Variants in DROSHA observed in about 807,000 individuals in gnomAD.
The protein encoded by DROSHA is ribonuclease 3.
DROSHA carries 56 observed loss-of-function variants against 181.9 expected under a neutral mutation model. The observed-to-expected ratio is 0.31, with a 90% CI of 0.25 to 0.38. The LOEUF (loss-of-function observed/expected upper bound fraction) is 0.38. DROSHA is among the 10% of genes least tolerant of loss of function. The pLI is 1.00. For synonymous variants in DROSHA, 524 were observed against 591.2 expected, an observed-to-expected ratio of 0.89 and a Z score of 1.65; for missense variants, 1,218 against 1,743.5, an observed-to-expected ratio of 0.70 and a Z score of 5.37.
chr5:31,505,092 T>C (rs1737766972), intron 10 of DROSHA, among the ~76,000 whole-genome samples: 1 of 152,050 alleles, frequency 6.6e-6, no homozygotes, highest in East Asian at 1.9e-4. Context: ...GAGAAGAAAA[T>C]GCTACTAAAG....
At chr5:31,496,292 GT>G (rs765117291) in intron 11 of DROSHA, among the ~76,000 whole-genome samples, 4 of 152,158 alleles carry the variant, frequency 2.6e-5, no homozygotes, top group South Asian at 4.1e-4. Context: ...GCCTGGTGTG[GT>G]GGTGCATGCC....
At chr5:31,475,238 A>C (rs560234362) in intron 16 of DROSHA, among the ~76,000 whole-genome samples, 1 of 152,320 alleles carries the variant, frequency 6.6e-6, no homozygotes, top group South Asian at 2.1e-4. Context: ...GGATCACCTG[A>C]GCCCTGAAGG....
chr5:31,441,142 C>G (rs553064251), intron 23 of DROSHA, among the ~76,000 whole-genome samples: 1 of 151,736 alleles, frequency 6.6e-6, no homozygotes, highest in East Asian at 1.9e-4. Flanking sequence ...AAGGGCAGGC[C>G]AGGTGTGGCT....
chr5:31,499,043 T>TAA (rs951119808), intron 11 of DROSHA, among the ~76,000 whole-genome samples: 2 of 152,114 alleles, frequency 1.3e-5, no homozygotes, highest in African/African-American at 4.8e-5. Context: ...CTTCCAGCTA[T>TAA]AAGCTCCTTC....
chr5:31,515,438 C>T lies in DROSHA; in HGVS notation c.1058+16G>A. On this transcript the variant is annotated intron_variant, in intron 7 of 35. Coordinates refer to ENST00000344624, the MANE Select transcript of DROSHA (RefSeq NM_001382508.1). ...TAAAAATACAAATTCCCAGGCCCCACCCCAGATCTACTTACTGATTCACAA... is the reference window on the plus strand; with the variant it reads ...TAAAAATACAAATTCCCAGGCCCCATCCCAGATCTACTTACTGATTCACAA... 1.7e-6 allele frequency: 2 copies of T among 1,210,838 alleles called. No individual in the cohort carries two copies. The highest frequency in any genetic ancestry group is 2.4e-6 in the Non-Finnish European group (2 of 837,966). 75.0% of individuals were successfully genotyped at this position (1,210,838 alleles called of 1,614,324 possible).
intron 6 of DROSHA, 72 bp from the exon 7 acceptor site, chr5:31,515,636 A>G (rs1739197090): frequency 6.5e-7 from 1 of 1,537,706 alleles, no homozygotes; most frequent in Middle Eastern, 2.1e-4. Context: ...TGAGAATACC[A>G]GTTTTGAATC....
chr5:31,424,461 T>C lies in DROSHA; in HGVS notation c.3227A>G (p.Glu1076Gly), dbSNP rs1422865070. The C allele has an allele frequency of 1.9e-6, 3 of 1,595,260 alleles. No homozygotes were observed. The highest frequency in any genetic ancestry group is 2.6e-6 in the Non-Finnish European group (3 of 1,170,832). The change falls in exon 28 of 36, where the codon GAA becomes GGA. Residue 1076 changes from glutamate (E) to glycine (G), a missense_variant. By Grantham distance (98) the Glu-to-Gly change is moderately conservative. Coordinates refer to ENST00000344624, the MANE Select transcript of DROSHA (RefSeq NM_001382508.1). ...GTGGAGAGGATAATTGAGCCAGACTTCGCGCAGGTCCTGGAAAATGGAGTG... is the reference window on the plus strand; with the variant it reads ...GTGGAGAGGATAATTGAGCCAGACTCCGCGCAGGTCCTGGAAAATGGAGTG... ...RLLFNDPDLR[E>G]VWLNYPLHPL...
chr5:31,443,770 C>T (rs1206450372), intron 23 of DROSHA, among the ~76,000 whole-genome samples: 1 of 152,170 alleles, frequency 6.6e-6, no homozygotes, highest in African/African-American at 2.4e-5. Flanking sequence ...GCCATTTAAA[C>T]TGCTGACCGT....
chr5:31,417,754 A>C (rs956176605), intron 30 of DROSHA, among the ~76,000 whole-genome samples: 2 of 152,188 alleles, frequency 1.3e-5, no homozygotes, highest in Non-Finnish European at 2.9e-5. Context: ...GAAGAGAAAC[A>C]ACCAAATGGG....
intron 35 of DROSHA, among the ~76,000 whole-genome samples, chr5:31,403,107 T>A (rs1222546133): frequency 3.3e-5 from 5 of 152,186 alleles, no homozygotes; most frequent in Non-Finnish European, 7.3e-5. Flanking sequence ...GAACATGACA[T>A]CTGTATTTTG....
intron 34 of DROSHA, 130 bp from the exon 35 acceptor site, chr5:31,405,853 TCTC>T (rs747889051): frequency 5.1e-5 from 38 of 749,556 alleles, no homozygotes; most frequent in South Asian, 1.0e-4. Context: ...GTGCATAAAA[TCTC>T]CTCTGATTAC....
rs56981913 is a variant in DROSHA at position 31,487,879 on chromosome 5, G to A, written c.1843-1317C>T. 5.8e-3 allele frequency among the ~76,000 whole-genome samples: 884 copies of A among 152,154 alleles called. 14 individuals are homozygous for A. The highest frequency in any genetic ancestry group is 0.02 in the African/African-American group (822 of 41,502). On this transcript the variant is annotated intron_variant, in intron 13 of 35. Coordinates refer to ENST00000344624, the MANE Select transcript of DROSHA (RefSeq NM_001382508.1). ...ATTTAAGAGTTACAAAATTTTGCAT[G>A]ATTCAATGTATTTTTAAAATACCTA...
chr5:31,437,423 C>G, intron 23 of DROSHA, 125 bp from the exon 24 acceptor site: 1 of 844,994 alleles, frequency 1.2e-6, no homozygotes, highest in Non-Finnish European at 1.8e-6. Context: ...CTTCCCTATT[C>G]CTCATAATTA....
At chr5:31,507,895 C>T (rs1738177991) in intron 10 of DROSHA, among the ~76,000 whole-genome samples, 1 of 152,084 alleles carries the variant, frequency 6.6e-6, no homozygotes, top group African/African-American at 2.4e-5. Context: ...ACATTTCTGC[C>T]AGACGTTCTA....
chr5:31,472,327 G>A (rs1425258624), intron 16 of DROSHA, 95 bp from the exon 17 acceptor site: 3 of 1,348,402 alleles, frequency 2.2e-6, no homozygotes, highest in Admixed American at 2.8e-5. Context: ...CAAGACAATG[G>A]AGGAAAAAGA....
chr5:31,436,784 ACACACACACACACT>A (rs1489746752), intron 24 of DROSHA, among the ~76,000 whole-genome samples: 23 of 140,234 alleles, frequency 1.6e-4, no homozygotes, highest in Non-Finnish European at 3.1e-4. Context: ...ACACACACAC[ACACACACACACACT>A]AGAAAATCTG....
intron 16 of DROSHA, among the ~76,000 whole-genome samples, chr5:31,480,198 A>ATATATG (rs1388421795): frequency 7.2e-6 from 1 of 139,300 alleles, no homozygotes; most frequent in East Asian, 2.0e-4. Flanking sequence ...ATATATATAT[A>ATATATG]TATATACTGA....
At chr5:31,496,317 A>G (rs1752969543) in intron 11 of DROSHA, among the ~76,000 whole-genome samples, 1 of 152,130 alleles carries the variant, frequency 6.6e-6, no homozygotes, top group South Asian at 2.1e-4. Flanking sequence ...GGTCCCAGCT[A>G]CTCAGGAGGT....
rs367918968 is a variant in DROSHA, at chr5:31,526,450, C to A, written c.483G>T (p.Pro161=). The part of the protein sequence containing the change: ...MPHPPPPPVM[P]QQVNYQYPPG... ...GAGGGTACTGATAATTAACCTGCTG[C>A]GGCATGACTGGAGGGGGCGGGGGAT... Residue 161 remains proline (P), a synonymous_variant, in exon 5 of 36, where the codon CCG becomes CCT. Coordinates refer to ENST00000344624, the MANE Select transcript of DROSHA (RefSeq NM_001382508.1). The A allele has an allele frequency of 3.9e-6, 6 of 1,521,344 alleles. No individual in the cohort carries two copies. The South Asian group carries it at 5.7e-5, about 14-fold the overall frequency. 94.2% of individuals were successfully genotyped at this position (1,521,344 alleles called of 1,614,324 possible).
Sources: allele counts gnomAD v4.1 joint callset (sites outside exome capture counted in the v4.1 genomes callset), GRCh38; gene constraint gnomAD v4.1.1; transcripts MANE v1.5; gene names NCBI Gene and HGNC (gene_info 2026-07-23, HGNC 2026-07-21).